The following OSBPL10 variants were observed in gnomAD, a reference collection of about 807,000 sequenced individuals.
OSBPL10 encodes oxysterol binding protein like 10.
A neutral mutation model predicts 81.7 loss-of-function variants in OSBPL10; 49 were observed. The observed-to-expected ratio is 0.60, with a 90% confidence interval of 0.48 to 0.76. The LOEUF (loss-of-function observed/expected upper bound fraction) is 0.76, where lower values mean the gene tolerates loss of function less well. Ranked by LOEUF, OSBPL10 falls within the 30% of genes least tolerant of loss-of-function variation. The pLI, the probability that OSBPL10 is intolerant of heterozygous loss-of-function variation, is 0.00. For synonymous variants in OSBPL10, 419 were observed against 383.6 expected, an observed-to-expected ratio of 1.09 and a Z score of -1.08; for missense variants, 923 against 987.8, an observed-to-expected ratio of 0.93 and a Z score of 0.88.
In OSBPL10 at chr3:31,990,403, G is replaced by A. The variant is rs79295539; in HGVS notation, n.298+56088C>T. The A allele has an allele frequency of 5.5e-3, 8,912 of 1,608,164 alleles. 399 individuals are homozygous for A. The East Asian group carries it at 0.1, about 18-fold the overall frequency. On this transcript the variant is annotated intron_variant and non_coding_transcript_variant, in intron 2 of 3. Transcript: ENST00000479173. The stretch of plus-strand genomic sequence containing the variant: ...ATTTTTTAGACGTCGTTCATATCTC[G>A]TAGTTCATTGGCGAACTCATACTGG...
intron 4 of OSBPL10, among the ~76,000 whole-genome samples, chr3:31,797,244 C>T (rs774152144): frequency 1.3e-5 from 2 of 152,126 alleles, no homozygotes; most frequent in Non-Finnish European, 2.9e-5. Context: ...CCGGCCTCTT[C>T]GGCCTCCCGA....
intron 2 of OSBPL10, among the ~76,000 whole-genome samples, chr3:32,011,437 C>T (rs1457142883): frequency 2.0e-5 from 3 of 152,236 alleles, no homozygotes; most frequent in Admixed American, 6.5e-5. Context: ...AAAACCCCAT[C>T]TGTACGTCAC....
chr3:31,690,387 A>C (rs1484604513), intron 7 of OSBPL10, among the ~76,000 whole-genome samples: 2 of 152,224 alleles, frequency 1.3e-5, no homozygotes, highest in Admixed American at 6.5e-5. Flanking sequence ...CTGGTCAATT[A>C]AACCTCTTTT....
intron 4 of OSBPL10, among the ~76,000 whole-genome samples, chr3:31,764,746 A>T (rs1051862390): frequency 6.6e-6 from 1 of 152,176 alleles, no homozygotes; most frequent in East Asian, 1.9e-4. Flanking sequence ...TTTTAACTGC[A>T]CATTATATAT....
rs142321704 is a variant in OSBPL10, at chr3:32,039,197, G to A, written n.298+7294C>T. On this transcript the variant is annotated intron_variant and non_coding_transcript_variant, in intron 2 of 3. Coordinates refer to the OSBPL10 transcript ENST00000479173. ...AAAAATTAGCTGGGCATGGTGGGAC[G>A]TGCCTGTAATCTCAGCTACTTAGGA... Among the ~76,000 whole-genome samples the A allele has an allele frequency of 2.4e-3, 358 of 151,656 alleles. 5 individuals are homozygous for A. The highest frequency in any genetic ancestry group is 7.8e-3 in the African/African-American group (323 of 41,354).
At chr3:31,764,740 A>T (rs780649793) in intron 4 of OSBPL10, among the ~76,000 whole-genome samples, 4 of 152,134 alleles carry the variant, frequency 2.6e-5, no homozygotes, top group Non-Finnish European at 5.9e-5. Context: ...GGAGCATTTT[A>T]ACTGCACATT....
At chr3:31,911,487 A>G (rs750732506) in intron 1 of OSBPL10, among the ~76,000 whole-genome samples, 3 of 152,064 alleles carry the variant, frequency 2.0e-5, no homozygotes, top group Non-Finnish European at 4.4e-5. Context: ...TTGGGGTAAT[A>G]CCTTCAACAT....
chr3:31,895,232 C>A (rs1272060200), intron 1 of OSBPL10, among the ~76,000 whole-genome samples: 80 of 149,216 alleles, frequency 5.4e-4, no homozygotes, highest in Non-Finnish European at 3.8e-4. Context: ...CCCGGGTTGA[C>A]GCCATTCTCC....
intron 7 of OSBPL10, among the ~76,000 whole-genome samples, chr3:31,692,890 T>C (rs1695597997): frequency 6.6e-6 from 1 of 152,236 alleles, no homozygotes; most frequent in Non-Finnish European, 1.5e-5. Context: ...AGACTACCAT[T>C]GTGACTGTCA....
At chr3:31,947,131 G>T (rs1054844702) in intron 1 of OSBPL10, among the ~76,000 whole-genome samples, 3 of 152,198 alleles carry the variant, frequency 2.0e-5, no homozygotes, top group Admixed American at 6.5e-5. Flanking sequence ...CTAAATTTCA[G>T]GCTCTGACAA....
chr3:31,782,979 C>T (rs1283988475), intron 4 of OSBPL10, among the ~76,000 whole-genome samples: 1 of 151,946 alleles, frequency 6.6e-6, no homozygotes, highest in African/African-American at 2.4e-5. Context: ...GAAAAAGACA[C>T]TTGCACATGT....
At chr3:31,870,914 C>T (rs141323337) in intron 3 of OSBPL10, among the ~76,000 whole-genome samples, 4,028 of 152,248 alleles carry the variant, frequency 0.026, 170 homozygotes, top group African/African-American at 0.084. Flanking sequence ...TCTGGTGAGG[C>T]CTTGGAGAAC....
intron 2 of OSBPL10, chr3:32,030,294 C>CT: frequency 2.4e-6 from 1 of 425,044 alleles, no homozygotes; most frequent in Non-Finnish European, 4.5e-6. Flanking sequence ...GTATGCGAAT[C>CT]TATAAGAAAG....
intron 7 of OSBPL10, among the ~76,000 whole-genome samples, chr3:31,686,057 G>A (rs756883516): frequency 1.3e-5 from 2 of 152,122 alleles, no homozygotes; most frequent in South Asian, 2.1e-4. Flanking sequence ...TTCTAGAAGC[G>A]ACTTTGGCTT....
intron 1 of OSBPL10, among the ~76,000 whole-genome samples, chr3:32,069,801 A>T (rs1162485453): frequency 6.6e-6 from 1 of 152,234 alleles, no homozygotes; most frequent in Non-Finnish European, 1.5e-5. Context: ...CGGCTCCAGC[A>T]TATAAGAACT....
intron 4 of OSBPL10, among the ~76,000 whole-genome samples, chr3:31,802,515 A>C (rs1313975670): frequency 6.7e-6 from 1 of 149,858 alleles, no homozygotes; most frequent in Non-Finnish European, 1.5e-5. Context: ...GCAGTGAGCC[A>C]AGATCATGCG....
At position 31,668,886 on chromosome 3, in the gene OSBPL10, G is replaced by A; in HGVS notation, c.1914-62C>T. The stretch of plus-strand genomic sequence containing the variant: ...AATGATAAAAACAGAGACTTCAAAG[G>A]TACACCCATCTCTAGAGATTTTTTT... On this transcript the variant is annotated intron_variant, in intron 9 of 11. Coordinates refer to ENST00000396556, the MANE Select transcript of OSBPL10 (RefSeq NM_017784.5). 14 of 1,377,266 alleles carry A rather than the reference G, an allele frequency of 1.0e-5. 1 individual carries two copies. In the South Asian group the frequency reaches 2.6e-4, roughly 25 times the overall value. The allele number at this position is 1,377,266 out of a possible 1,614,324, so 85.3% of individuals were successfully genotyped here.
Position 31,883,190 on chromosome 3 carries a change from A to G in OSBPL10, c.282-3360T>C, listed in dbSNP as rs11923662. Among the ~76,000 whole-genome samples the G allele has an allele frequency of 3.3e-3, 508 of 151,906 alleles. 4 individuals are homozygous for G. The highest frequency in any genetic ancestry group is 0.014 in the Middle Eastern group (4 of 292). ...CACGTTGTGCCATGTGTGCCCCCCT[A>G]CACACACCTGCAGACACAGCACTGC... On this transcript the variant is annotated intron_variant, in intron 1 of 11. Coordinates refer to ENST00000396556, the MANE Select transcript of OSBPL10 (RefSeq NM_017784.5).
chr3:31,714,419 G>A (rs531375470), intron 6 of OSBPL10, among the ~76,000 whole-genome samples: 32 of 152,294 alleles, frequency 2.1e-4, no homozygotes, highest in African/African-American at 7.7e-4. Flanking sequence ...GCTGGCAGCA[G>A]GCAGGTAAGG....
Sources: gnomAD v4.1 joint callset for allele counts (sites outside exome capture counted in the v4.1 genomes callset) on GRCh38, gnomAD v4.1.1 for gene constraint, MANE v1.5 for transcripts, NCBI Gene and HGNC (gene_info 2026-07-23, HGNC 2026-07-21) for gene names.